PIAS1: variants seen among roughly 807,000 people sequenced by gnomAD.
The protein encoded by PIAS1 is E3 SUMO-protein ligase PIAS1.
Under a neutral mutation model 71.3 loss-of-function variants are expected in PIAS1, and 6 were observed. That is an observed-to-expected ratio of 0.08 (90% CI 0.05 to 0.17). The LOEUF (loss-of-function observed/expected upper bound fraction) is 0.17, where lower values mean the gene tolerates loss of function less well. Ranked by LOEUF, PIAS1 falls within the 10% of genes least tolerant of loss-of-function variation. The pLI is 1.00. For synonymous variants in PIAS1, 303 were observed against 292.9 expected (o/e 1.03, Z -0.35); for missense variants, 555 against 793.6 (o/e 0.70, Z 3.61).
chr15:68,075,096 T>C (rs2092145270), intron 1 of PIAS1, among the ~76,000 whole-genome samples: 1 of 140,880 alleles, frequency 7.1e-6, no homozygotes, highest in African/African-American at 2.6e-5. Flanking sequence ...TTTTTTTTTT[T>C]TTTTTTTTGA....
chr15:68,111,843 A>G (rs551433495), intron 2 of PIAS1, among the ~76,000 whole-genome samples: 1 of 152,188 alleles, frequency 6.6e-6, no homozygotes, highest in Non-Finnish European at 1.5e-5. Flanking sequence ...TAATATAGAA[A>G]GGACTGTTAG....
chr15:68,125,144 T>G (rs1027350969), intron 2 of PIAS1, among the ~76,000 whole-genome samples: 2 of 152,198 alleles, frequency 1.3e-5, no homozygotes, highest in Admixed American at 6.5e-5. Flanking sequence ...CCTGTTCTGG[T>G]CATTTTCTTT....
At chr15:68,068,856 C>T (rs2092059847) in intron 1 of PIAS1, among the ~76,000 whole-genome samples, 1 of 151,092 alleles carries the variant, frequency 6.6e-6, no homozygotes, top group Non-Finnish European at 1.5e-5. Context: ...TTTGGCAAGA[C>T]CATTAAAGTC....
At chr15:68,139,626 AATT>A (rs2092756751) in intron 2 of PIAS1, among the ~76,000 whole-genome samples, 1 of 152,160 alleles carries the variant, frequency 6.6e-6, no homozygotes, top group East Asian at 1.9e-4. Flanking sequence ...TAATATGTAT[AATT>A]ATTATTTGTC....
At chr15:68,130,373 TAATA>T (rs1194734684) in intron 2 of PIAS1, among the ~76,000 whole-genome samples, 2 of 151,984 alleles carry the variant, frequency 1.3e-5, no homozygotes, top group African/African-American at 4.8e-5. Context: ...AGTTATATGT[TAATA>T]AATTTCAGAA....
chr15:68,105,153 A>AT (rs2092458030), intron 2 of PIAS1, among the ~76,000 whole-genome samples: 1 of 152,190 alleles, frequency 6.6e-6, no homozygotes, highest in South Asian at 2.1e-4. Context: ...AGTGTAGGAA[A>AT]TTCAGGTTTT....
chr15:68,144,993 CAG>C (rs996698051), intron 4 of PIAS1, among the ~76,000 whole-genome samples: 1 of 151,994 alleles, frequency 6.6e-6, no homozygotes, highest in Non-Finnish European at 1.5e-5. Flanking sequence ...CTATGTAACT[CAG>C]GGGTGCTATT....
At chr15:68,058,710 C>A (rs117739556) in intron 1 of PIAS1, among the ~76,000 whole-genome samples, 2,452 of 152,276 alleles carry the variant, frequency 0.016, 31 homozygotes, top group Non-Finnish European at 0.027. Context: ...TTGTAAGTAT[C>A]ATTTTGCTTG....
chr15:68,145,504 CT>C (rs1316356731), intron 4 of PIAS1, among the ~76,000 whole-genome samples: 2 of 152,032 alleles, frequency 1.3e-5, no homozygotes, highest in Non-Finnish European at 2.9e-5. Flanking sequence ...ACTAACGAGT[CT>C]TTTTTTCTTT....
intron 1 of PIAS1, among the ~76,000 whole-genome samples, chr15:68,066,821 CT>C (rs1460289678): frequency 2.0e-5 from 3 of 152,038 alleles, no homozygotes; most frequent in African/African-American, 7.2e-5. Context: ...TATTTTGTGT[CT>C]AATTGAATCA....
At chr15:68,123,236 TAG>T (rs1191574658) in intron 2 of PIAS1, among the ~76,000 whole-genome samples, 3 of 152,006 alleles carry the variant, frequency 2.0e-5, no homozygotes, top group Non-Finnish European at 4.4e-5. Flanking sequence ...AAACTTTTTG[TAG>T]AGAGTGTCTT....
In PIAS1 at chr15:68,186,899, G is replaced by C. The variant is rs116992411; in HGVS notation, c.1663-643G>C. ...GTCTAGGTTTGTGCAAGCACACTGT[G>C]ATGTTTGCACAGCCACAAAACCGCC... is the stretch of plus-strand genomic sequence containing the variant. On this transcript the variant is annotated intron_variant, in intron 13 of 13. Transcript: ENST00000249636. This position sits in a 1 kb window ranked among gnomAD's most constrained non-coding sequence, Gnocchi z 4.4. 1.3e-3 allele frequency among the ~76,000 whole-genome samples: 191 copies of C among 152,342 alleles called. No individual in the cohort carries two copies. Among genetic ancestry groups the C allele is most frequent in the Admixed American group, 2.0e-3 (31 of 15,302 alleles).
At chr15:68,125,688 C>T (rs1452434479) in intron 2 of PIAS1, among the ~76,000 whole-genome samples, 1 of 151,814 alleles carries the variant, frequency 6.6e-6, no homozygotes, top group Non-Finnish European at 1.5e-5. Context: ...CAAAGTTAGG[C>T]TGGTTTCCGA....
intron 1 of PIAS1, among the ~76,000 whole-genome samples, chr15:68,065,915 CTTTTTTTTTTTTTTTTT>C (rs869104577): frequency 2.5e-5 from 1 of 40,160 alleles, no homozygotes; most frequent in Non-Finnish European, 3.8e-5. Flanking sequence ...TGACTAAAAG[CTTTTTTTTTTTTTTTTT>C]TTTTTTTTTT....
intron 2 of PIAS1, among the ~76,000 whole-genome samples, chr15:68,126,693 G>A (rs993801149): frequency 2.6e-5 from 4 of 152,152 alleles, no homozygotes; most frequent in Non-Finnish European, 5.9e-5. Flanking sequence ...CCAAAATGCT[G>A]TAATTACAGG....
intron 12 of PIAS1, among the ~76,000 whole-genome samples, chr15:68,183,356 G>A (rs1017662423): frequency 2.6e-5 from 4 of 152,142 alleles, no homozygotes; most frequent in Non-Finnish European, 5.9e-5. Context: ...TACTATGCCC[G>A]TTTAAGGATC....
chr15:68,154,131 G>A (rs995815760), intron 7 of PIAS1, among the ~76,000 whole-genome samples: 1 of 152,178 alleles, frequency 6.6e-6, no homozygotes, highest in Non-Finnish European at 1.5e-5. Context: ...TTATATGACT[G>A]TGGACAAGTA....
chr15:68,103,178 C>T (rs972854275), intron 2 of PIAS1, among the ~76,000 whole-genome samples: 5 of 152,036 alleles, frequency 3.3e-5, no homozygotes, highest in Non-Finnish European at 1.5e-5. Context: ...CTGCCCGCCT[C>T]GCCCACCCAA....
intron 8 of PIAS1, among the ~76,000 whole-genome samples, chr15:68,170,064 C>A (rs886205116): frequency 6.6e-6 from 1 of 152,166 alleles, no homozygotes; most frequent in African/African-American, 2.4e-5. Flanking sequence ...TCATGCAGAA[C>A]TGAAGCCTTA....
Sources: gnomAD v4.1 joint callset for allele counts (sites outside exome capture counted in the v4.1 genomes callset) on GRCh38, gnomAD v4.1.1 for gene constraint, Gnocchi (gnomAD v3.1) non-coding constraint, MANE v1.5 for transcripts, NCBI Gene and HGNC (gene_info 2026-07-23, HGNC 2026-07-21) for gene names.